The following PAFAH1B1 variants were observed in gnomAD, a reference collection of about 807,000 sequenced individuals.
The protein encoded by PAFAH1B1 is platelet activating factor acetylhydrolase 1b regulatory subunit 1, also known as platelet-activating factor acetylhydrolase IB subunit beta.
A neutral mutation model predicts 57.5 loss-of-function variants in PAFAH1B1; 2 were observed. The observed-to-expected ratio is 0.03, with a 90% confidence interval of 0.01 to 0.11. The LOEUF (loss-of-function observed/expected upper bound fraction) is 0.11. PAFAH1B1 is among the 10% of genes least tolerant of loss of function. The probability of loss-of-function intolerance (pLI) is 1.00; values close to 1 mark genes in which losing one functional copy is unlikely to be tolerated. For missense variants in PAFAH1B1, 257 were observed against 512.0 expected, an observed-to-expected ratio of 0.50 and a Z score of 4.81; for synonymous variants, 152 against 169.6, an observed-to-expected ratio of 0.90 and a Z score of 0.81.
chr17:2,619,535 T>C (rs1168507673), intron 1 of PAFAH1B1, among the ~76,000 whole-genome samples: 1 of 28,480 alleles, frequency 3.5e-5, no homozygotes, highest in Non-Finnish European at 9.7e-5. Flanking sequence ...GGCCCTTACC[T>C]GTTTTTTTTT....
At chr17:2,642,162 T>C (rs1006539149) in intron 2 of PAFAH1B1, 2 of 152,242 alleles carry the variant, frequency 1.3e-5, no homozygotes, top group Admixed American at 6.5e-5. Context: ...CATTTATTTG[T>C]ATCCCTCTTC....
intron 1 of PAFAH1B1, among the ~76,000 whole-genome samples, chr17:2,624,659 C>T (rs983451306): frequency 1.2e-4 from 18 of 152,156 alleles, no homozygotes; most frequent in East Asian, 1.9e-4. Flanking sequence ...GGGTCCCTTC[C>T]GTAACACATG....
chr17:2,631,643 A>G lies in PAFAH1B1; in HGVS notation c.-190-6456A>G, dbSNP rs539091122. Among the ~76,000 whole-genome samples the G allele has an allele frequency of 3.8e-4, 58 of 152,216 alleles. 3 individuals are homozygous for G. The South Asian group carries it at 9.8e-3, about 26-fold the overall frequency. On this transcript the variant is annotated intron_variant, in intron 1 of 10. Coordinates refer to ENST00000397195, the MANE Select transcript of PAFAH1B1 (RefSeq NM_000430.4). ...TCTAGTGGGGGTGTGTGCTCAGGAG[A>G]GGAGGGTCTTCCTTTCTCACTTCTG... is the stretch of plus-strand genomic sequence containing the variant.
At chr17:2,605,133 A>C (rs1019815483) in intron 1 of PAFAH1B1, among the ~76,000 whole-genome samples, 1 of 152,204 alleles carries the variant, frequency 6.6e-6, no homozygotes, top group Admixed American at 6.5e-5. Context: ...TTCAGAAAAT[A>C]ATGATTAGTG....
At chr17:2,645,243 C>T (rs2068751787) in intron 2 of PAFAH1B1, among the ~76,000 whole-genome samples, 1 of 151,816 alleles carries the variant, frequency 6.6e-6, no homozygotes. Context: ...AAGATCCTGT[C>T]AAAAAACAAA....
chr17:2,599,840 A>C (rs2068120056), intron 1 of PAFAH1B1, among the ~76,000 whole-genome samples: 1 of 152,144 alleles, frequency 6.6e-6, no homozygotes, highest in Admixed American at 6.6e-5. Context: ...GCCATTAAAA[A>C]ATTTTCTGAG....
upstream of PAFAH1B1, chr17:2,593,615 G>GGCGGC: frequency 4.5e-6 from 1 of 222,514 alleles, no homozygotes; most frequent in Non-Finnish European, 8.7e-6. Context: ...CGGCGGCGGC[G>GGCGGC]GCGCGGTGAC....
In PAFAH1B1 at chr17:2,652,421, A is replaced by AC. The variant is rs201869849; in HGVS notation, c.33-12951_33-12950insC. 2.1e-4 allele frequency among the ~76,000 whole-genome samples: 32 copies of AC among 152,356 alleles called. No homozygotes were observed. In the East Asian group the frequency reaches 5.2e-3, roughly 25 times the overall value. On this transcript the variant is annotated intron_variant, in intron 2 of 10. Transcript: ENST00000397195. The stretch of plus-strand genomic sequence containing the variant: ...CAGAGCGAGACTCCGTCTCAAACAA[A>AC]ACAAAACAAAAACCAAAAACATTTC...
At chr17:2,623,637 T>C (rs1370701005) in intron 1 of PAFAH1B1, among the ~76,000 whole-genome samples, 1 of 151,474 alleles carries the variant, frequency 6.6e-6, no homozygotes. Context: ...CCCGTTTTTT[T>C]TTTTTTTAAA....
intron 1 of PAFAH1B1, among the ~76,000 whole-genome samples, chr17:2,604,405 A>T (rs1054375300): frequency 7.9e-5 from 12 of 152,140 alleles, no homozygotes; most frequent in Non-Finnish European, 1.5e-4. Context: ...AGCTGTCCTG[A>T]GTTGTTATGG....
At chr17:2,668,552 G>T (rs943905757) in intron 5 of PAFAH1B1, among the ~76,000 whole-genome samples, 1 of 152,064 alleles carries the variant, frequency 6.6e-6, no homozygotes, top group Non-Finnish European at 1.5e-5. Flanking sequence ...GGTGGTGCAT[G>T]CCTGTAGTCC....
rs2068047920 is a variant in PAFAH1B1, at chr17:2,593,671, C to CGGG, written c.-524_-522dup. The CGGG allele has an allele frequency of 3.5e-6, 1 of 282,962 alleles. No individual in the cohort carries two copies. Among genetic ancestry groups the CGGG allele is most frequent in the Non-Finnish European group, 6.3e-6 (1 of 158,098 alleles). The allele number at this position is 282,962 out of a possible 1,614,324, so 17.5% of individuals were successfully genotyped here. ...CCTGTGACAGACGGAGCTGGAGCGGCGGGGCGGCGGCGGAGTCCGGCGGCC... is the reference window on the plus strand; with the variant it reads ...CCTGTGACAGACGGAGCTGGAGCGGCGGGGGGGCGGCGGCGGAGTCCGGCGGCC... On this transcript the variant is annotated 5_prime_UTR_variant, in exon 1 of 11. Transcript: ENST00000397195.
intron 2 of PAFAH1B1, among the ~76,000 whole-genome samples, chr17:2,654,498 G>A (rs543932271): frequency 6.6e-6 from 1 of 152,110 alleles, no homozygotes; most frequent in Non-Finnish European, 1.5e-5. Flanking sequence ...TTAAAAGTTT[G>A]ATAATGATGG....
At chr17:2,640,400 T>A (rs1249049915) in intron 2 of PAFAH1B1, 1 of 149,464 alleles carries the variant, frequency 6.7e-6, no homozygotes, top group Non-Finnish European at 1.5e-5. Context: ...TTGACCTTGA[T>A]GTTTTTGAGG....
At chr17:2,606,088 C>G (rs2068201766) in intron 1 of PAFAH1B1, among the ~76,000 whole-genome samples, 1 of 152,152 alleles carries the variant, frequency 6.6e-6, no homozygotes, top group Non-Finnish European at 1.5e-5. Flanking sequence ...AGCTTCACCA[C>G]AGCTGTTTGA....
At chr17:2,595,340 G>T (rs538091868) in intron 1 of PAFAH1B1, among the ~76,000 whole-genome samples, 2 of 152,166 alleles carry the variant, frequency 1.3e-5, no homozygotes, top group East Asian at 1.9e-4. Flanking sequence ...TTCTTTTCGA[G>T]GCTAGGGCGG....
intron 9 of PAFAH1B1, chr17:2,679,630 T>TGGATGGATGGATGGA (rs1555527708): frequency 3.2e-5 from 2 of 61,846 alleles, no homozygotes; most frequent in Admixed American, 1.8e-4. Context: ...GATTGGATGA[T>TGGATGGATGGATGGA]TGGATGGATG....
intron 1 of PAFAH1B1, among the ~76,000 whole-genome samples, chr17:2,626,091 A>T (rs1462246845): frequency 1.3e-5 from 2 of 151,992 alleles, no homozygotes; most frequent in Non-Finnish European, 2.9e-5. Context: ...TCTCTACTAA[A>T]AATACAAAAA....
intron 2 of PAFAH1B1, chr17:2,640,519 T>G (rs1481501023): frequency 2.0e-5 from 3 of 148,546 alleles, no homozygotes; most frequent in African/African-American, 7.5e-5. Flanking sequence ...TGGTGTGATC[T>G]CGGCTCACTG....
Sources: allele counts gnomAD v4.1 joint callset (sites outside exome capture counted in the v4.1 genomes callset), GRCh38; gene constraint gnomAD v4.1.1; transcripts MANE v1.5; gene names NCBI Gene and HGNC (gene_info 2026-07-23, HGNC 2026-07-21).